Variants in ARHGAP18 observed in about 807,000 individuals in gnomAD.
ARHGAP18 encodes Rho GTPase activating protein 18.
A neutral mutation model predicts 86.2 loss-of-function variants in ARHGAP18; 67 were observed. That is an observed-to-expected ratio of 0.78 (90% confidence interval 0.64 to 0.95). The LOEUF (loss-of-function observed/expected upper bound fraction) is 0.95. ARHGAP18 is among the 40% of genes least tolerant of loss of function. The probability of loss-of-function intolerance (pLI) is 0.00; values close to 1 mark genes in which losing one functional copy is unlikely to be tolerated. For synonymous variants in ARHGAP18, 283 were observed against 280.4 expected, an observed-to-expected ratio of 1.01 and a Z score of -0.09; for missense variants, 691 against 780.4, an observed-to-expected ratio of 0.89 and a Z score of 1.37.
intron 1 of ARHGAP18, among the ~76,000 whole-genome samples, chr6:129,672,815 T>G (rs984042479): frequency 1.6e-4 from 24 of 152,242 alleles, no homozygotes; most frequent in Admixed American, 6.5e-5. Context: ...CTGGTTCTTG[T>G]TAATATCCTC....
Position 129,611,618 on chromosome 6 carries a change from T to C in ARHGAP18, c.1045-8A>G. 9.3e-6 allele frequency: 15 copies of C among 1,612,056 alleles called. No individual in the cohort carries two copies. Among genetic ancestry groups the C allele is most frequent in the Non-Finnish European group, 1.3e-5 (15 of 1,178,554 alleles). ...TTCAATTCGAGAAATCAGCTGTGCATAAACAGAGAAACATTCTAATTTCCG... is the reference window on the plus strand; with the variant it reads ...TTCAATTCGAGAAATCAGCTGTGCACAAACAGAGAAACATTCTAATTTCCG... On this transcript the variant is annotated splice_polypyrimidine_tract_variant and splice_region_variant and intron_variant, in intron 7 of 14. Coordinates refer to ENST00000368149, the MANE Select transcript of ARHGAP18 (RefSeq NM_033515.3).
intron 7 of ARHGAP18, 137 bp downstream of exon 7, chr6:129,616,075 T>C (rs544016635): frequency 1.6e-6 from 1 of 608,362 alleles, no homozygotes; most frequent in Non-Finnish European, 2.6e-6. Flanking sequence ...GAAACCAATT[T>C]GCTTCCTGAA....
At position 129,584,116 on chromosome 6, in the gene ARHGAP18, C is replaced by T. The variant is rs750638938; in HGVS notation, c.1714-4G>A. On this transcript the variant is annotated splice_region_variant and splice_polypyrimidine_tract_variant and intron_variant, in intron 12 of 14. Coordinates refer to ENST00000368149, the MANE Select transcript of ARHGAP18 (RefSeq NM_033515.3). ...TCACTCCCTGAGGAACGTCAGCCTG[C>T]AAAGCAATAATGACACTGGAACAAA... is the stretch of plus-strand genomic sequence containing the variant. The T allele has an allele frequency of 1.2e-6, 2 of 1,613,338 alleles. No homozygotes were observed.
intron 1 of ARHGAP18, among the ~76,000 whole-genome samples, chr6:129,697,743 A>C (rs1341805375): frequency 6.6e-6 from 1 of 152,216 alleles, no homozygotes; most frequent in Non-Finnish European, 1.5e-5. Flanking sequence ...TGGAAACATT[A>C]AAATACATCC....
intron 13 of ARHGAP18, 49 bp downstream of exon 13, chr6:129,583,939 G>A: frequency 1.3e-6 from 2 of 1,571,854 alleles, no homozygotes; most frequent in Non-Finnish European, 1.7e-6. Context: ...GAGAGAGAGA[G>A]AGCAAGTGAC....
At chr6:129,627,535 T>C (rs1324413448) in intron 5 of ARHGAP18, among the ~76,000 whole-genome samples, 1 of 151,896 alleles carries the variant, frequency 6.6e-6, no homozygotes, top group Admixed American at 6.6e-5. Context: ...CATATTAAAC[T>C]ACACCAGGGG....
At chr6:129,672,160 T>C (rs772325237) in intron 1 of ARHGAP18, among the ~76,000 whole-genome samples, 3 of 152,168 alleles carry the variant, frequency 2.0e-5, no homozygotes, top group Non-Finnish European at 4.4e-5. Flanking sequence ...ATCTATGTCC[T>C]CTGCAATCAT....
chr6:129,654,702 C>T (rs963929066), intron 1 of ARHGAP18, among the ~76,000 whole-genome samples: 3 of 152,202 alleles, frequency 2.0e-5, no homozygotes, highest in South Asian at 4.1e-4. Context: ...CAAGGACTTC[C>T]GCCTCTAGTC....
At chr6:129,697,109 C>G (rs916544721) in intron 1 of ARHGAP18, among the ~76,000 whole-genome samples, 1 of 152,146 alleles carries the variant, frequency 6.6e-6, no homozygotes, top group Non-Finnish European at 1.5e-5. Context: ...GCAAGAATGT[C>G]AGAAGTCTGA....
At chr6:129,694,160 G>A (rs972048405) in intron 1 of ARHGAP18, among the ~76,000 whole-genome samples, 1 of 152,160 alleles carries the variant, frequency 6.6e-6, no homozygotes, top group Non-Finnish European at 1.5e-5. Flanking sequence ...TACCAGACAG[G>A]CAAACATTCC....
At chr6:129,673,565 T>G (rs1774177642) in intron 1 of ARHGAP18, among the ~76,000 whole-genome samples, 1 of 152,238 alleles carries the variant, frequency 6.6e-6, no homozygotes, top group Non-Finnish European at 1.5e-5. Flanking sequence ...AGCTCTTATC[T>G]GTCTCAATGA....
chr6:129,662,043 G>T, intron 1 of ARHGAP18: 1 of 361,696 alleles, frequency 2.8e-6, no homozygotes, highest in Non-Finnish European at 3.8e-6. Flanking sequence ...CACGCAAGCT[G>T]CAGCTCTCTG....
chr6:129,618,910 G>T, intron 5 of ARHGAP18, 58 bp from the exon 6 acceptor site: 1 of 1,479,120 alleles, frequency 6.8e-7, no homozygotes, highest in South Asian at 1.3e-5. Context: ...CCATTGTAAT[G>T]CAGGAAGGAA....
At chr6:129,640,937 C>CA (rs1371306720) in intron 2 of ARHGAP18, among the ~76,000 whole-genome samples, 2 of 151,974 alleles carry the variant, frequency 1.3e-5, no homozygotes, top group South Asian at 2.1e-4. Context: ...AGAAACGGTA[C>CA]AAAAAAACTT....
chr6:129,640,649 A>G (rs1345609579), intron 2 of ARHGAP18, among the ~76,000 whole-genome samples: 1 of 152,218 alleles, frequency 6.6e-6, no homozygotes, highest in Non-Finnish European at 1.5e-5. Flanking sequence ...TTTTCAAGCA[A>G]TGTGTAGCCA....
At chr6:129,642,928 T>C (rs949980443) in intron 1 of ARHGAP18, among the ~76,000 whole-genome samples, 1 of 152,152 alleles carries the variant, frequency 6.6e-6, no homozygotes. Context: ...ACTCATTTAT[T>C]AGCAATTCTG....
chr6:129,635,482 A>G (rs1773313490), intron 3 of ARHGAP18, among the ~76,000 whole-genome samples: 1 of 152,172 alleles, frequency 6.6e-6, no homozygotes, highest in Admixed American at 6.5e-5. Context: ...TCCTCCCACA[A>G]GCCGGCAGAG....
intron 1 of ARHGAP18, among the ~76,000 whole-genome samples, chr6:129,686,732 C>T (rs1465970389): frequency 2.0e-5 from 3 of 151,614 alleles, no homozygotes; most frequent in Non-Finnish European, 4.4e-5. Context: ...ATATATTTTT[C>T]AGGAGTCAGG....
chr6:129,590,173 C>T (rs963138118), intron 12 of ARHGAP18, among the ~76,000 whole-genome samples: 2 of 152,178 alleles, frequency 1.3e-5, no homozygotes, highest in African/African-American at 4.8e-5. Context: ...CACCCAGGAA[C>T]AATATTTTGC....
Sources: allele counts gnomAD v4.1 joint callset (sites outside exome capture counted in the v4.1 genomes callset), GRCh38; gene constraint gnomAD v4.1.1; transcripts MANE v1.5; gene names NCBI Gene and HGNC (gene_info 2026-07-23, HGNC 2026-07-21).